Variants in CHN2 observed in about 807,000 individuals in gnomAD.
CHN2 encodes the protein beta-chimaerin.
In CHN2, 35 loss-of-function variants were observed where a neutral mutation model predicts 56.3. That is an observed-to-expected ratio of 0.62 (90% CI 0.47 to 0.82). CHN2 has a LOEUF of 0.82. Among genes scored for constraint, CHN2 ranks in the 40% least tolerant of loss-of-function variants. The pLI, the probability that CHN2 is intolerant of heterozygous loss-of-function variation, is 0.00. For synonymous variants in CHN2, 210 were observed against 212.8 expected, an observed-to-expected ratio of 0.99 and a Z score of 0.12; for missense variants, 491 against 580.5, an observed-to-expected ratio of 0.85 and a Z score of 1.58.
chr7:29,292,924 G>T, intron 1 of CHN2: 1 of 456,238 alleles, frequency 2.2e-6, no homozygotes, highest in South Asian at 1.5e-5. Context: ...CCTCTCTTCA[G>T]TCTATTCTGA....
At chr7:29,236,464 A>AG (rs1055892087) in intron 1 of CHN2, among the ~76,000 whole-genome samples, 5 of 152,208 alleles carry the variant, frequency 3.3e-5, no homozygotes, top group African/African-American at 1.2e-4. Flanking sequence ...GCCATTTGCA[A>AG]GGTTGCTCCT....
chr7:29,358,438 T>A (rs1180506276), intron 2 of CHN2, among the ~76,000 whole-genome samples: 1 of 151,172 alleles, frequency 6.6e-6, no homozygotes, highest in African/African-American at 2.4e-5. Context: ...ATTAGTCAAT[T>A]TCTAATGATG....
intron 12 of CHN2, chr7:29,509,686 T>G: frequency 4.6e-6 from 1 of 216,960 alleles, no homozygotes; most frequent in Non-Finnish European, 9.3e-6. Context: ...CTACTAAAAA[T>G]ACAAAAAAAT....
At chr7:29,507,777 C>T (rs967506417) in intron 11 of CHN2, among the ~76,000 whole-genome samples, 2 of 152,096 alleles carry the variant, frequency 1.3e-5, no homozygotes, top group African/African-American at 4.8e-5. Context: ...AATATACTAA[C>T]ATTAATGATA....
chr7:29,399,622 G>A (rs1295006775), intron 5 of CHN2, among the ~76,000 whole-genome samples: 2 of 152,092 alleles, frequency 1.3e-5, no homozygotes, highest in Non-Finnish European at 2.9e-5. Flanking sequence ...TGAACTCTTC[G>A]GAATTGGAAA....
intron 2 of CHN2, among the ~76,000 whole-genome samples, chr7:29,361,547 G>A (rs1464766418): frequency 6.6e-6 from 1 of 152,234 alleles, no homozygotes; most frequent in Non-Finnish European, 1.5e-5. Context: ...GGCCAGGAGA[G>A]AGAGGTGGCA....
upstream of CHN2, chr7:29,192,908 G>GT (rs2128756563): frequency 6.6e-6 from 1 of 152,346 alleles, no homozygotes; most frequent in East Asian, 1.9e-4. Flanking sequence ...AGTCAAACAA[G>GT]TAAGTGCTGT....
chr7:29,352,266 T>C lies in CHN2; in HGVS notation c.50-2359T>C, dbSNP rs751175713. Reference sequence around the variant, plus strand: ...TGGTCTGGAGGTTGTGCTTGCGTCATAGAGTAAACCTCATCCAAAATAAGA... The same window carrying C: ...TGGTCTGGAGGTTGTGCTTGCGTCACAGAGTAAACCTCATCCAAAATAAGA... On this transcript the variant is annotated intron_variant, in intron 1 of 12. Transcript: ENST00000222792. 9.2e-5 allele frequency among the ~76,000 whole-genome samples: 14 copies of C among 152,130 alleles called. No individual in the cohort carries two copies. The East Asian group carries it at 2.1e-3, about 23-fold the overall frequency.
At chr7:29,358,765 A>G (rs551534025) in intron 2 of CHN2, among the ~76,000 whole-genome samples, 2 of 152,228 alleles carry the variant, frequency 1.3e-5, no homozygotes, top group Middle Eastern at 3.4e-3. Context: ...CGCCCAGCCT[A>G]ATGATTGATT....
intron 6 of CHN2, among the ~76,000 whole-genome samples, chr7:29,415,384 G>T (rs78863878): frequency 6.6e-6 from 1 of 152,186 alleles, no homozygotes; most frequent in African/African-American, 2.4e-5. Context: ...GGCTCAAGTG[G>T]GGAGTTCCCA....
At chr7:29,356,948 C>T (rs1798364038) in intron 2 of CHN2, among the ~76,000 whole-genome samples, 1 of 152,180 alleles carries the variant, frequency 6.6e-6, no homozygotes, top group Non-Finnish European at 1.5e-5. Flanking sequence ...ACATTAACGA[C>T]CCAATAAATA....
chr7:29,233,263 A>G (rs1261725749), intron 1 of CHN2, among the ~76,000 whole-genome samples: 1 of 152,232 alleles, frequency 6.6e-6, no homozygotes, highest in East Asian at 1.9e-4. Flanking sequence ...TAAATTAGTT[A>G]AGTCATGTAA....
chr7:29,438,134 G>A (rs1783378685), intron 6 of CHN2, among the ~76,000 whole-genome samples: 1 of 152,188 alleles, frequency 6.6e-6, no homozygotes, highest in Non-Finnish European at 1.5e-5. Flanking sequence ...TCAATGAAGG[G>A]GTAAGACACA....
chr7:29,212,316 G>C, intron 1 of CHN2: 1 of 1,299,978 alleles, frequency 7.7e-7, no homozygotes, highest in Non-Finnish European at 1.1e-6. Flanking sequence ...TGTGGATCTG[G>C]CTTGTCTGCA....
chr7:29,369,789 G>C (rs1799464707), intron 3 of CHN2, among the ~76,000 whole-genome samples: 1 of 152,180 alleles, frequency 6.6e-6, no homozygotes, highest in African/African-American at 2.4e-5. Context: ...ATGTCTGTTT[G>C]CTGTTGCAGT....
chr7:29,373,411 G>A (rs571475610), intron 3 of CHN2, among the ~76,000 whole-genome samples: 65 of 151,830 alleles, frequency 4.3e-4, no homozygotes, highest in African/African-American at 1.4e-3. Flanking sequence ...CCAACCTCAG[G>A]TGATCTGCCT....
At chr7:29,173,175 A>T (rs919031035) in intron 2 of CHN2, among the ~76,000 whole-genome samples, 2 of 152,018 alleles carry the variant, frequency 1.3e-5, no homozygotes, top group South Asian at 4.2e-4. Flanking sequence ...TTAAAAAAAC[A>T]TTTTTAAAAA....
intron 1 of CHN2, chr7:29,292,736 T>C: frequency 2.8e-6 from 1 of 354,786 alleles, no homozygotes; most frequent in Admixed American, 3.4e-5. Flanking sequence ...GTTGTATTGG[T>C]TTGGGGGGAA....
chr7:29,489,939 T>C (rs929892328), intron 7 of CHN2, among the ~76,000 whole-genome samples: 5 of 152,310 alleles, frequency 3.3e-5, no homozygotes, highest in South Asian at 2.1e-4. Context: ...CCTGAAACAA[T>C]AGGCCAGTTT....
Sources: allele counts gnomAD v4.1 joint callset (sites outside exome capture counted in the v4.1 genomes callset), GRCh38; gene constraint gnomAD v4.1.1; transcripts MANE v1.5; gene names NCBI Gene and HGNC (gene_info 2026-07-23, HGNC 2026-07-21).